Variants in PPP2R5E observed in about 807,000 individuals in gnomAD.
PPP2R5E encodes the protein protein phosphatase 2 regulatory subunit B'epsilon, also known as serine/threonine-protein phosphatase 2A 56 kDa regulatory subunit epsilon isoform.
Under a neutral mutation model 65.3 loss-of-function variants are expected in PPP2R5E, and 4 were observed. The ratio of observed to expected loss-of-function variants is 0.06; its 90% CI spans 0.03 to 0.14. PPP2R5E has a LOEUF of 0.14. Among genes scored for constraint, PPP2R5E ranks in the 10% least tolerant of loss-of-function variants. The pLI, the probability that PPP2R5E is intolerant of heterozygous loss-of-function variation, is 1.00. For missense variants in PPP2R5E, 274 were observed against 556.1 expected (o/e 0.49, Z 5.10); for synonymous variants, 183 against 187.4 (o/e 0.98, Z 0.19).
At chr14:63,406,184 G>A (rs1886074421) in intron 5 of PPP2R5E, among the ~76,000 whole-genome samples, 1 of 152,030 alleles carries the variant, frequency 6.6e-6, no homozygotes, top group African/African-American at 2.4e-5. Flanking sequence ...GGCCGAGGCG[G>A]GCAGATCACG....
chr14:63,387,785 A>G (rs1884759120), intron 11 of PPP2R5E, among the ~76,000 whole-genome samples: 2 of 152,220 alleles, frequency 1.3e-5, no homozygotes, highest in Admixed American at 1.3e-4. Flanking sequence ...TTAAGGTTAC[A>G]TGAGCTCATA....
chr14:63,522,881 G>T (rs1286452483), intron 2 of PPP2R5E, among the ~76,000 whole-genome samples: 1 of 147,688 alleles, frequency 6.8e-6, no homozygotes, highest in African/African-American at 2.5e-5. Context: ...CCCCCCGCCC[G>T]GCCAGCCGCC....
chr14:63,407,766 G>C (rs1886173450), intron 5 of PPP2R5E, among the ~76,000 whole-genome samples: 2 of 152,168 alleles, frequency 1.3e-5, no homozygotes, highest in East Asian at 3.8e-4. Context: ...TTTTGGTGTT[G>C]AGGTCATAAG....
At chr14:63,476,100 A>T (rs900950958) in intron 2 of PPP2R5E, among the ~76,000 whole-genome samples, 1 of 152,228 alleles carries the variant, frequency 6.6e-6, no homozygotes, top group African/African-American at 2.4e-5. Flanking sequence ...CAACAAAAAA[A>T]GTAAAAGCAT....
At chr14:63,466,348 G>C (rs750196661) in intron 2 of PPP2R5E, among the ~76,000 whole-genome samples, 6 of 151,556 alleles carry the variant, frequency 4.0e-5, no homozygotes, top group African/African-American at 9.7e-5. Flanking sequence ...TTGAACCTCT[G>C]TTGGGATTTT....
chr14:63,465,924 G>A (rs764761625), intron 2 of PPP2R5E, among the ~76,000 whole-genome samples: 23 of 151,946 alleles, frequency 1.5e-4, no homozygotes, highest in Admixed American at 6.6e-5. Flanking sequence ...TTTTATTTAC[G>A]CCATGCTTAT....
chr14:63,471,198 T>G (rs777464951), intron 2 of PPP2R5E, among the ~76,000 whole-genome samples: 1 of 152,212 alleles, frequency 6.6e-6, no homozygotes, highest in Non-Finnish European at 1.5e-5. Flanking sequence ...AAACCAGATG[T>G]CTTATGTATA....
intron 2 of PPP2R5E, among the ~76,000 whole-genome samples, chr14:63,500,606 G>A (rs531264933): frequency 6.6e-6 from 1 of 152,304 alleles, no homozygotes; most frequent in Non-Finnish European, 1.5e-5. Context: ...GGGCACAGCG[G>A]GCTTTGGGAG....
chr14:63,374,634 G>GATATATATATATATATAT lies in PPP2R5E; in HGVS notation c.*1357_*1374dup, dbSNP rs35587312. On this transcript the variant is annotated 3_prime_UTR_variant, in exon 14 of 14. Transcript: ENST00000337537. ...TAAATACAAAGCAGAGAGCCAATAA[G>GATATATATATATATATAT]ATATATATATATATATATATATATA... The GATATATATATATATATAT allele has an allele frequency of 1.7e-3, 181 of 109,430 alleles. 2 individuals are homozygous for GATATATATATATATATAT. The highest frequency in any genetic ancestry group is 7.7e-3 in the African/African-American group (158 of 20,550). 6.8% of individuals were successfully genotyped at this position (109,430 alleles called of 1,614,324 possible). A position where few individuals can be genotyped will look rare whatever the true frequency, so the allele number is the denominator to read the frequency against.
At chr14:63,398,860 G>A (rs1398883069) in intron 5 of PPP2R5E, among the ~76,000 whole-genome samples, 1 of 152,138 alleles carries the variant, frequency 6.6e-6, no homozygotes, top group Non-Finnish European at 1.5e-5. Context: ...ATGAAAAAGA[G>A]GGATAATAAA....
At chr14:63,416,830 T>C (rs888335262) in intron 4 of PPP2R5E, among the ~76,000 whole-genome samples, 9 of 152,204 alleles carry the variant, frequency 5.9e-5, no homozygotes, top group Non-Finnish European at 1.0e-4. Context: ...TCTGCTTCTA[T>C]ATCCAATCTG....
At position 63,392,017 on chromosome 14, in the gene PPP2R5E, A is replaced by G. The variant is rs764344310; in HGVS notation, c.858T>C (p.Tyr286=). ...SLSLFHAQLA[Y]CIVQFLEKDP... ...CTTTCTCCAGAAACTGTACTATACA[A>G]TATGCCAGCTGAGTAAAAAATAAAA... The change falls in exon 9 of 14, where the codon TAT becomes TAC. Residue 286 remains tyrosine (Y), a synonymous_variant. Coordinates refer to ENST00000337537, the MANE Select transcript of PPP2R5E (RefSeq NM_006246.5). 59 of 1,601,248 alleles carry G rather than the reference A, an allele frequency of 3.7e-5. No homozygotes were observed. Among genetic ancestry groups the G allele is most frequent in the Non-Finnish European group, 4.8e-5 (56 of 1,176,354 alleles).
chr14:63,429,721 T>C (rs1887525175), intron 3 of PPP2R5E, among the ~76,000 whole-genome samples: 1 of 152,066 alleles, frequency 6.6e-6, no homozygotes, highest in Non-Finnish European at 1.5e-5. Context: ...TTCATGCTTG[T>C]TGCCCAGGCT....
At chr14:63,491,108 A>G (rs1330291241) in intron 2 of PPP2R5E, among the ~76,000 whole-genome samples, 2 of 152,164 alleles carry the variant, frequency 1.3e-5, no homozygotes, top group Non-Finnish European at 2.9e-5. Flanking sequence ...TCATTATCCT[A>G]ACTGAATTAA....
At chr14:63,466,273 C>A (rs777076668) in intron 2 of PPP2R5E, among the ~76,000 whole-genome samples, 463 of 117,774 alleles carry the variant, frequency 3.9e-3, no homozygotes, top group East Asian at 7.3e-3. Flanking sequence ...TTTAAAAATA[C>A]AAAAAAAAAA....
chr14:63,388,245 A>G (rs1049592906), intron 11 of PPP2R5E, among the ~76,000 whole-genome samples: 1 of 151,538 alleles, frequency 6.6e-6, no homozygotes, highest in Non-Finnish European at 1.5e-5. Flanking sequence ...GTTTCAAGCG[A>G]TTCTCCTGCC....
chr14:63,514,328 T>C (rs1354461114), intron 2 of PPP2R5E, among the ~76,000 whole-genome samples: 1 of 152,152 alleles, frequency 6.6e-6, no homozygotes, highest in Non-Finnish European at 1.5e-5. Flanking sequence ...AAAGGAACCT[T>C]ATGCCCAGAG....
At chr14:63,420,131 G>A (rs1268514175) in intron 4 of PPP2R5E, among the ~76,000 whole-genome samples, 3 of 152,148 alleles carry the variant, frequency 2.0e-5, no homozygotes, top group Non-Finnish European at 4.4e-5. Flanking sequence ...CTTGCAAATG[G>A]CAAGAGTGGT....
rs964607047 is a variant in PPP2R5E at position 63,371,872 on chromosome 14, C to A, written c.*4137G>T. The A allele has an allele frequency of 2.6e-5, 4 of 152,028 alleles. No homozygotes were observed. The highest frequency in any genetic ancestry group is 2.6e-4 in the Admixed American group (4 of 15,260). The allele number at this position is 152,028 out of a possible 1,614,324, so 9.4% of individuals were successfully genotyped here. Reference sequence around the variant, plus strand: ...TACCAAAAGATTTATGAAGCTAAAGCGAAGTCCTCAAACCAAAAGCAACAG... The same window carrying A: ...TACCAAAAGATTTATGAAGCTAAAGAGAAGTCCTCAAACCAAAAGCAACAG... On this transcript the variant is annotated 3_prime_UTR_variant, in exon 14 of 14. Transcript: ENST00000337537.
Sources: allele counts gnomAD v4.1 joint callset (sites outside exome capture counted in the v4.1 genomes callset), GRCh38; gene constraint gnomAD v4.1.1; transcripts MANE v1.5; gene names NCBI Gene and HGNC (gene_info 2026-07-23, HGNC 2026-07-21).